Variants in PPARG observed in about 807,000 individuals in gnomAD.
The protein encoded by PPARG is peroxisome proliferator activated receptor gamma, also known as peroxisome proliferator-activated receptor gamma.
PPARG carries 17 observed loss-of-function variants against 39.2 expected under a neutral mutation model. The observed-to-expected ratio is 0.43, with a 90% CI of 0.30 to 0.65. The LOEUF (loss-of-function observed/expected upper bound fraction) is 0.65. Among genes scored for constraint, PPARG ranks in the 30% least tolerant of loss-of-function variants. The pLI is 0.13. For synonymous variants in PPARG, 223 were observed against 215.7 expected (o/e 1.03, Z -0.30); for missense variants, 406 against 585.9 (o/e 0.69, Z 3.17).
At chr3:12,323,948 G>A (rs1336326751) in intron 2 of PPARG, among the ~76,000 whole-genome samples, 1 of 152,138 alleles carries the variant, frequency 6.6e-6, no homozygotes, top group African/African-American at 2.4e-5. Flanking sequence ...GCTGAGTCAA[G>A]TACAGCAGAG....
intron 1 of PPARG, among the ~76,000 whole-genome samples, chr3:12,289,496 A>G (rs1235058096): frequency 6.6e-6 from 1 of 152,208 alleles, no homozygotes; most frequent in Non-Finnish European, 1.5e-5. Flanking sequence ...TTTGAAGTAC[A>G]TTATTTTAAC....
chr3:12,366,331 AT>A (rs538059995), intron 2 of PPARG, among the ~76,000 whole-genome samples: 4,555 of 145,664 alleles, frequency 0.031, 86 homozygotes, highest in South Asian at 0.07. Flanking sequence ...GGTCCAGGAG[AT>A]TTTTTTTTTT....
upstream of PPARG, chr3:12,288,054 C>G (rs2046551804): frequency 6.6e-6 from 1 of 151,908 alleles, no homozygotes; most frequent in South Asian, 2.1e-4. Context: ...GCTCGGGAAC[C>G]GGCTGCTGGC....
At chr3:12,360,332 T>C (rs1034514982) in intron 2 of PPARG, among the ~76,000 whole-genome samples, 2 of 152,168 alleles carry the variant, frequency 1.3e-5, no homozygotes, top group African/African-American at 4.8e-5. Context: ...TTATGAGTTC[T>C]GAATTGAATA....
At chr3:12,386,819 A>G (rs1256551944) in intron 4 of PPARG, among the ~76,000 whole-genome samples, 1 of 152,096 alleles carries the variant, frequency 6.6e-6, no homozygotes, top group Non-Finnish European at 1.5e-5. Context: ...TGCTGAACCC[A>G]TCAACTTGTC....
intron 2 of PPARG, among the ~76,000 whole-genome samples, chr3:12,355,495 C>A (rs1347376773): frequency 6.6e-6 from 1 of 152,120 alleles, no homozygotes; most frequent in Non-Finnish European, 1.5e-5. Context: ...GAATATTACT[C>A]TTGTCCATAT....
intron 2 of PPARG, among the ~76,000 whole-genome samples, chr3:12,320,689 A>G (rs1455219840): frequency 6.6e-6 from 1 of 152,192 alleles, no homozygotes; most frequent in African/African-American, 2.4e-5. Flanking sequence ...AGCGTAAGCA[A>G]CATAGTGAGA....
At chr3:12,306,100 T>G (rs1274805045) in intron 1 of PPARG, 1 of 152,246 alleles carries the variant, frequency 6.6e-6, no homozygotes, top group African/African-American at 2.4e-5. Context: ...ACTGGTTTCA[T>G]GGAAGACAGT....
At chr3:12,301,711 A>C (rs2046931088) in intron 1 of PPARG, 1 of 152,116 alleles carries the variant, frequency 6.6e-6, no homozygotes, top group Non-Finnish European at 1.5e-5. Flanking sequence ...CATGCTCTCC[A>C]CTGCTGGGCA....
intron 5 of PPARG, among the ~76,000 whole-genome samples, chr3:12,394,608 G>C (rs1220303883): frequency 1.3e-5 from 2 of 152,146 alleles, no homozygotes; most frequent in Non-Finnish European, 2.9e-5. Flanking sequence ...TGAATTAAGT[G>C]TCATGACATC....
chr3:12,379,813 C>T lies in PPARG; in HGVS notation c.102C>T (p.Pro34=), dbSNP rs1179548759. 2 of 1,614,020 alleles carry T rather than the reference C, an allele frequency of 1.2e-6. No individual in the cohort carries two copies. Among genetic ancestry groups the T allele is most frequent in the African/African-American group, 1.3e-5 (1 of 75,044 alleles). Residue 34 remains proline (P), a synonymous_variant, in exon 3 of 8, where the codon CCC becomes CCT. Coordinates refer to ENST00000651735, the MANE Select transcript of PPARG (RefSeq NM_138711.6). ...EDHSHSFDIK[P]FTTVDFSSIS... ...ACTCCCACTCCTTTGATATCAAGCC[C>T]TTCACTACTGTTGACTTCTCCAGCA...
chr3:12,309,453 A>C (rs1023810321), intron 1 of PPARG, among the ~76,000 whole-genome samples: 8 of 152,140 alleles, frequency 5.3e-5, no homozygotes, highest in African/African-American at 1.9e-4. Flanking sequence ...GTTAATTAAC[A>C]TTTTATTTAT....
chr3:12,373,032 G>A (rs536150905), intron 2 of PPARG, among the ~76,000 whole-genome samples: 2 of 152,164 alleles, frequency 1.3e-5, no homozygotes, highest in Non-Finnish European at 2.9e-5. Flanking sequence ...TACTGAGAAG[G>A]GCTGTTGTTC....
Position 12,340,746 on chromosome 3 carries a change from G to C in PPARG, c.-9+28293G>C, listed in dbSNP as rs181229882. 2.8e-3 allele frequency among the ~76,000 whole-genome samples: 426 copies of C among 152,278 alleles called. 2 individuals carry two copies. Among genetic ancestry groups the C allele is most frequent in the African/African-American group, 9.5e-3 (394 of 41,556 alleles). On this transcript the variant is annotated intron_variant, in intron 2 of 7. Transcript: ENST00000651735. Reference sequence around the variant, plus strand: ...ATACAACATAACTTTGGAAGAACCAGTTAAGTTTGTATTCTAACTATGCCC... The same window carrying C: ...ATACAACATAACTTTGGAAGAACCACTTAAGTTTGTATTCTAACTATGCCC...
chr3:12,359,353 A>G (rs915817395), intron 2 of PPARG, among the ~76,000 whole-genome samples: 1 of 152,208 alleles, frequency 6.6e-6, no homozygotes, highest in African/African-American at 2.4e-5. Flanking sequence ...GTAAAATATG[A>G]TGGTAACTTC....
intron 2 of PPARG, among the ~76,000 whole-genome samples, chr3:12,314,015 G>A (rs374244898): frequency 2.0e-5 from 3 of 152,288 alleles, no homozygotes; most frequent in East Asian, 3.9e-4. Flanking sequence ...GGTGGCTCAC[G>A]CCTGTAATCC....
chr3:12,320,044 T>G (rs1326261310), intron 2 of PPARG, among the ~76,000 whole-genome samples: 1 of 152,162 alleles, frequency 6.6e-6, no homozygotes, highest in Non-Finnish European at 1.5e-5. Flanking sequence ...CACTCACTGG[T>G]CAAATCTAAG....
intron 1 of PPARG, among the ~76,000 whole-genome samples, chr3:12,298,573 C>T (rs2046852968): frequency 6.6e-6 from 1 of 152,070 alleles, no homozygotes; most frequent in South Asian, 2.1e-4. Flanking sequence ...TTTTGTGAAA[C>T]TTGTGGCATG....
At chr3:12,412,232 T>C (rs2050901221) in intron 6 of PPARG, among the ~76,000 whole-genome samples, 1 of 152,306 alleles carries the variant, frequency 6.6e-6, no homozygotes, top group South Asian at 2.1e-4. Context: ...GCTGATGTTA[T>C]TGGATTTCTC....
Sources: gnomAD v4.1 joint callset for allele counts (sites outside exome capture counted in the v4.1 genomes callset) on GRCh38, gnomAD v4.1.1 for gene constraint, MANE v1.5 for transcripts, NCBI Gene and HGNC (gene_info 2026-07-23, HGNC 2026-07-21) for gene names.